Variants in ARHGAP26 observed in about 807,000 individuals in gnomAD.
ARHGAP26 encodes rho GTPase-activating protein 26.
In ARHGAP26, 38 loss-of-function variants were observed where a neutral mutation model predicts 104.8. The ratio of observed to expected loss-of-function variants is 0.36; its 90% CI spans 0.28 to 0.48. The LOEUF is 0.48. Ranked by LOEUF, ARHGAP26 falls within the 20% of genes least tolerant of loss-of-function variation. ARHGAP26 has a pLI of 0.99. For synonymous variants in ARHGAP26, 341 were observed against 340.0 expected, an observed-to-expected ratio of 1.00 and a Z score of -0.03; for missense variants, 704 against 947.9, an observed-to-expected ratio of 0.74 and a Z score of 3.38.
chr5:143,105,348 C>T (rs1005565189), intron 17 of ARHGAP26, among the ~76,000 whole-genome samples: 3 of 151,086 alleles, frequency 2.0e-5, no homozygotes, highest in Non-Finnish European at 4.4e-5. Context: ...TGCACTCCAG[C>T]CTGGGCAACA....
At chr5:142,833,030 T>C (rs748937874) in intron 1 of ARHGAP26, among the ~76,000 whole-genome samples, 23 of 152,092 alleles carry the variant, frequency 1.5e-4, no homozygotes, top group Non-Finnish European at 2.9e-4. Context: ...AATACACTCA[T>C]AATCTTACCA....
At chr5:143,123,627 G>A (rs900968443) in intron 18 of ARHGAP26, among the ~76,000 whole-genome samples, 4 of 152,196 alleles carry the variant, frequency 2.6e-5, no homozygotes, top group African/African-American at 9.7e-5. Flanking sequence ...TAAGGTGGGA[G>A]GATCATTTGA....
chr5:143,139,793 A>G (rs1187651808), intron 19 of ARHGAP26, among the ~76,000 whole-genome samples: 1 of 152,220 alleles, frequency 6.6e-6, no homozygotes, highest in African/African-American at 2.4e-5. Context: ...AAGTTTCCAC[A>G]CAGATACACC....
intron 19 of ARHGAP26, among the ~76,000 whole-genome samples, chr5:143,138,840 G>A (rs1028540439): frequency 4.6e-5 from 7 of 152,090 alleles, no homozygotes; most frequent in East Asian, 3.8e-4. Context: ...TTTTACAGTC[G>A]AAAGGAAATA....
At position 143,167,482 on chromosome 5, in the gene ARHGAP26, C is replaced by CAAAAAAAAAAAAAAAAAAAA. The variant is rs6149274; in HGVS notation, c.1988+20118_1988+20137dup. On this transcript the variant is annotated intron_variant, in intron 20 of 22. Transcript: ENST00000645722. ...TGCATGACAGAGCAAGACTCCATCT[C>CAAAAAAAAAAAAAAAAAAAA]AAAAAAAAAAAAAAAAAAAAAAAAA... Among the ~76,000 whole-genome samples, 5 of 60,090 alleles carry CAAAAAAAAAAAAAAAAAAAA rather than the reference C, an allele frequency of 8.3e-5. 1 individual carries two copies. The highest frequency in any genetic ancestry group is 4.2e-4 in the African/African-American group (5 of 11,960). 39.4% of individuals were successfully genotyped at this position (60,090 alleles called of 152,430 possible). A position where few individuals can be genotyped will look rare whatever the true frequency, so the allele number is the denominator to read the frequency against.
intron 11 of ARHGAP26, among the ~76,000 whole-genome samples, chr5:142,999,909 C>T (rs1227752008): frequency 6.6e-6 from 1 of 151,922 alleles, no homozygotes; most frequent in Non-Finnish European, 1.5e-5. Flanking sequence ...TATAGAGAAC[C>T]CATAAAACTC....
At chr5:142,810,000 G>T (rs1454501923) in intron 1 of ARHGAP26, among the ~76,000 whole-genome samples, 1 of 152,148 alleles carries the variant, frequency 6.6e-6, no homozygotes, top group African/African-American at 2.4e-5. Flanking sequence ...CCATGAATTT[G>T]CGAGTAAAAG....
At chr5:143,026,341 T>C (rs1781062932) in intron 12 of ARHGAP26, among the ~76,000 whole-genome samples, 2 of 152,186 alleles carry the variant, frequency 1.3e-5, no homozygotes, top group Admixed American at 6.5e-5. Context: ...TAGATAAAGG[T>C]ATAATTTCTG....
intron 8 of ARHGAP26, 35 bp from the exon 9 acceptor site, chr5:142,907,669 T>G (rs764190782): frequency 8.9e-6 from 13 of 1,455,348 alleles, no homozygotes; most frequent in Admixed American, 6.8e-5. Context: ...TACAGTGGAA[T>G]GTATAGATAT....
At chr5:142,841,702 T>C (rs1390559618) in intron 1 of ARHGAP26, among the ~76,000 whole-genome samples, 1 of 152,242 alleles carries the variant, frequency 6.6e-6, no homozygotes, top group Non-Finnish European at 1.5e-5. Flanking sequence ...CCTGCTTTTG[T>C]TGGAGGGCAG....
rs762408939 is a variant in ARHGAP26 at position 143,014,102 on chromosome 5, G to A, written c.1130G>A (p.Ser377Asn). Residue 377 changes from serine to asparagine, a missense_variant, in exon 12 of 23, where the codon AGC becomes AAC. By Grantham distance (46) the Ser-to-Asn change is conservative. This residue lies in a region of ARHGAP26 where 287 missense variants were observed against 438.8 expected (regional missense o/e 0.65). Transcript: ENST00000645722. ...CAGGTCTACAACTCGAACAAAGACAGCCAGAGTGAAGGGAGTAAGTACGAT... is the reference window on the plus strand; with the variant it reads ...CAGGTCTACAACTCGAACAAAGACAACCAGAGTGAAGGGAGTAAGTACGAT... Reference protein sequence around the residue: ...REPVYNSNKDSQSEGTAQLDS... With the variant: ...REPVYNSNKDNQSEGTAQLDS... The A allele has an allele frequency of 6.2e-7, 1 of 1,614,198 alleles. No homozygotes were observed. Among genetic ancestry groups the A allele is most frequent in the Non-Finnish European group, 8.5e-7 (1 of 1,180,020 alleles).
At position 143,054,471 on chromosome 5, in the gene ARHGAP26, A is replaced by G. The variant is rs1420162742; in HGVS notation, c.1318A>G (p.Ile440Val). The G allele has an allele frequency of 1.9e-6, 3 of 1,613,494 alleles. No homozygotes were observed. The highest frequency in any genetic ancestry group is 1.7e-6 in the Non-Finnish European group (2 of 1,179,692). Residue 440 changes from isoleucine (I) to valine (V), a missense_variant, in exon 15 of 23, where the codon ATC becomes GTC. Physicochemically the swap from Ile to Val is conservative, Grantham distance 29. Transcript: ENST00000645722. ...GACTGCTTCTGAGACAGAAACAGAT[A>G]TCTGTGCTGAATGGGAGATAAAGAC... is the stretch of plus-strand genomic sequence containing the variant. ...PKTASETETD[I>V]CAEWEIKTIT...
intron 11 of ARHGAP26, among the ~76,000 whole-genome samples, chr5:142,961,348 C>T (rs888541984): frequency 1.1e-4 from 17 of 151,834 alleles, no homozygotes; most frequent in Admixed American, 3.3e-4. Context: ...AAAAACTAGC[C>T]GGGCATGGTG....
chr5:142,950,464 A>G (rs1040618757), intron 11 of ARHGAP26, among the ~76,000 whole-genome samples: 1 of 152,064 alleles, frequency 6.6e-6, no homozygotes, highest in African/African-American at 2.4e-5. Flanking sequence ...AAGTAGTATC[A>G]ATGCTGCATG....
At chr5:143,019,472 G>A (rs1329468821) in intron 12 of ARHGAP26, among the ~76,000 whole-genome samples, 1 of 152,130 alleles carries the variant, frequency 6.6e-6, no homozygotes, top group Non-Finnish European at 1.5e-5. Flanking sequence ...TTGGGTACAA[G>A]GTAGGGAATA....
At chr5:142,974,313 A>T (rs1182961954) in intron 11 of ARHGAP26, among the ~76,000 whole-genome samples, 1 of 151,738 alleles carries the variant, frequency 6.6e-6, no homozygotes, top group Non-Finnish European at 1.5e-5. Flanking sequence ...ACAAGCAACC[A>T]TCAGGCAGGA....
At chr5:143,092,393 T>G (rs909881101) in intron 17 of ARHGAP26, among the ~76,000 whole-genome samples, 5 of 152,178 alleles carry the variant, frequency 3.3e-5, no homozygotes, top group African/African-American at 9.7e-5. Flanking sequence ...CTCGATCTCC[T>G]GACCTCGTGA....
intron 11 of ARHGAP26, among the ~76,000 whole-genome samples, chr5:143,012,576 T>TACATATATATATA (rs1554195628): frequency 1.8e-5 from 1 of 57,034 alleles, no homozygotes; most frequent in African/African-American, 4.6e-5. Flanking sequence ...TATATATATA[T>TACATATATATATA]TATGATCAGG....
chr5:142,798,159 C>T (rs745723084), intron 1 of ARHGAP26, among the ~76,000 whole-genome samples: 1 of 152,168 alleles, frequency 6.6e-6, no homozygotes, highest in Non-Finnish European at 1.5e-5. Context: ...GCTTAAAACC[C>T]TTTAGTTGTC....
Sources: allele counts gnomAD v4.1 joint callset (sites outside exome capture counted in the v4.1 genomes callset), GRCh38; gene constraint gnomAD v4.1.1; regional missense constraint gnomAD v4.1.1; transcripts MANE v1.5; gene names NCBI Gene and HGNC (gene_info 2026-07-23, HGNC 2026-07-21).